The following RARB variants were observed in gnomAD, a reference collection of about 807,000 sequenced individuals.
The protein encoded by RARB is HBV-activated protein.
Under a neutral mutation model 51.9 loss-of-function variants are expected in RARB, and 17 were observed. That is an observed-to-expected ratio of 0.33 (90% CI 0.22 to 0.49). The LOEUF is 0.49. RARB is among the 20% of genes least tolerant of loss of function. The pLI is 0.99. For missense variants in RARB, 369 were observed against 550.8 expected, an observed-to-expected ratio of 0.67 and a Z score of 3.30; for synonymous variants, 215 against 195.4, an observed-to-expected ratio of 1.10 and a Z score of -0.84.
chr3:24,908,439 A>C (rs572859283), intron 2 of RARB, among the ~76,000 whole-genome samples: 1 of 152,336 alleles, frequency 6.6e-6, no homozygotes, highest in African/African-American at 2.4e-5. Flanking sequence ...CATCAAGGAA[A>C]ATCAATGAAG....
chr3:25,356,540 G>A (rs1230234681), intron 5 of RARB, among the ~76,000 whole-genome samples: 3 of 151,568 alleles, frequency 2.0e-5, no homozygotes, highest in Admixed American at 6.6e-5. Context: ...TATACTTTAA[G>A]TTCTGGGATA....
intron 5 of RARB, among the ~76,000 whole-genome samples, chr3:25,291,626 C>A (rs889951980): frequency 9.2e-5 from 14 of 152,016 alleles, no homozygotes; most frequent in Non-Finnish European, 1.8e-4. Flanking sequence ...CTATAGCAAC[C>A]AAACATAAAT....
intron 5 of RARB, among the ~76,000 whole-genome samples, chr3:25,329,694 G>A (rs9815892): frequency 0.13 from 20,244 of 152,108 alleles, 1,473 homozygotes; most frequent in South Asian, 0.19. Flanking sequence ...GACTTCAGAC[G>A]ATCAGTAATA....
At chr3:25,256,811 A>C (rs1702876212) in intron 5 of RARB, among the ~76,000 whole-genome samples, 1 of 152,074 alleles carries the variant, frequency 6.6e-6, no homozygotes, top group Admixed American at 6.6e-5. Context: ...TATGGAAAAA[A>C]AAAATAAGAA....
intron 5 of RARB, among the ~76,000 whole-genome samples, chr3:25,230,377 T>C (rs1042114451): frequency 1.3e-5 from 2 of 152,004 alleles, no homozygotes; most frequent in African/African-American, 4.8e-5. Context: ...TAAATAAAAA[T>C]GGGACACTTC....
chr3:25,203,173 T>TC (rs1271007070), intron 5 of RARB, among the ~76,000 whole-genome samples: 6 of 152,228 alleles, frequency 3.9e-5, no homozygotes, highest in African/African-American at 1.4e-4. Flanking sequence ...ATTGATCCCT[T>TC]ACCATTATGC....
At chr3:25,304,359 C>T (rs574331729) in intron 5 of RARB, among the ~76,000 whole-genome samples, 15 of 152,278 alleles carry the variant, frequency 9.9e-5, no homozygotes, top group Middle Eastern at 3.4e-3. Flanking sequence ...CTGTAAGATC[C>T]CCTCCACTTG....
chr3:25,473,897 G>A (rs897741915), intron 2 of RARB, among the ~76,000 whole-genome samples: 1 of 110,956 alleles, frequency 9.0e-6, no homozygotes, highest in Non-Finnish European at 1.7e-5. Flanking sequence ...CTGCTTCTAT[G>A]GAGGTATTTT....
intron 5 of RARB, among the ~76,000 whole-genome samples, chr3:25,305,528 C>T (rs1421005885): frequency 6.6e-6 from 1 of 152,168 alleles, no homozygotes. Context: ...GCTGTAGTTT[C>T]TGTGCAAGGG....
At chr3:25,138,733 TGTTA>T (rs1376091366) in intron 4 of RARB, among the ~76,000 whole-genome samples, 8 of 150,102 alleles carry the variant, frequency 5.3e-5, no homozygotes, top group South Asian at 4.1e-4. Flanking sequence ...AGAGTGAAAC[TGTTA>T]GTTTCAATTT....
chr3:25,460,428 TTTTATTTA>T (rs58159674), intron 1 of RARB, among the ~76,000 whole-genome samples: 22,193 of 145,576 alleles, frequency 0.15, 1,991 homozygotes, highest in African/African-American at 0.26. Context: ...ATTTTAAAAT[TTTTATTTA>T]TTTATTTATT....
At chr3:25,464,321 T>G (rs1695328412) in intron 2 of RARB, among the ~76,000 whole-genome samples, 1 of 152,176 alleles carries the variant, frequency 6.6e-6, no homozygotes. Flanking sequence ...TGAGCTTAGT[T>G]TGGGATTCTG....
chr3:25,568,698 G>C (rs998574517), intron 3 of RARB, among the ~76,000 whole-genome samples: 1 of 152,208 alleles, frequency 6.6e-6, no homozygotes, highest in Admixed American at 6.5e-5. Flanking sequence ...TCTTAGGGCA[G>C]ATCAGATTAT....
chr3:24,911,170 T>C (rs920270779), intron 2 of RARB, among the ~76,000 whole-genome samples: 2 of 152,180 alleles, frequency 1.3e-5, no homozygotes, highest in Non-Finnish European at 2.9e-5. Flanking sequence ...ATTTCTAGGA[T>C]GAAACCATCT....
At chr3:24,979,586 G>T (rs1174797391) in intron 2 of RARB, among the ~76,000 whole-genome samples, 1 of 150,850 alleles carries the variant, frequency 6.6e-6, no homozygotes, top group Non-Finnish European at 1.5e-5. Flanking sequence ...GTTTTGTTTT[G>T]TTTTTTGTTT....
In RARB at chr3:25,310,444, A is replaced by G. The variant is rs527676195; in HGVS notation, c.178+135869A>G. The stretch of plus-strand genomic sequence containing the variant: ...AAAGTACTCGGAGTTATCACAATGA[A>G]CAAAACAAAAGTCTCTACCCTTGTG... On this transcript the variant is annotated intron_variant, in intron 5 of 11. Transcript: ENST00000383772. Among the ~76,000 whole-genome samples, 390 of 152,328 alleles carry G rather than the reference A, an allele frequency of 2.6e-3. 2 individuals are homozygous for G. The highest frequency in any genetic ancestry group is 8.8e-3 in the African/African-American group (367 of 41,566).
intron 5 of RARB, among the ~76,000 whole-genome samples, chr3:25,393,769 A>G (rs1265266914): frequency 6.6e-6 from 1 of 151,966 alleles, no homozygotes; most frequent in African/African-American, 2.4e-5. Flanking sequence ...CTTCTGTTTC[A>G]TTTCTAATTG....
At chr3:24,968,501 T>G (rs1304162761) in intron 2 of RARB, among the ~76,000 whole-genome samples, 1 of 152,158 alleles carries the variant, frequency 6.6e-6, no homozygotes, top group Non-Finnish European at 1.5e-5. Flanking sequence ...TGGACAGTTC[T>G]GGGCTGGGAT....
intron 2 of RARB, among the ~76,000 whole-genome samples, chr3:24,976,162 T>G (rs1696507816): frequency 1.3e-5 from 2 of 152,184 alleles, no homozygotes; most frequent in African/African-American, 4.8e-5. Flanking sequence ...CTTAATCTAG[T>G]CTATTATTGA....
Sources: allele counts gnomAD v4.1 joint callset (sites outside exome capture counted in the v4.1 genomes callset), GRCh38; gene constraint gnomAD v4.1.1; transcripts MANE v1.5; gene names NCBI Gene and HGNC (gene_info 2026-07-23, HGNC 2026-07-21).